Variants in CTDSPL2 observed in about 807,000 individuals in gnomAD.
CTDSPL2 encodes CTD small phosphatase-like protein 2.
A neutral mutation model predicts 60.0 loss-of-function variants in CTDSPL2; 5 were observed. The ratio of observed to expected loss-of-function variants is 0.08; its 90% CI spans 0.04 to 0.18. CTDSPL2 has a LOEUF of 0.18. CTDSPL2 is among the 10% of genes least tolerant of loss of function. The probability of loss-of-function intolerance (pLI) is 1.00; values close to 1 mark genes in which losing one functional copy is unlikely to be tolerated. For synonymous variants in CTDSPL2, 186 were observed against 189.3 expected (o/e 0.98, Z 0.14); for missense variants, 370 against 548.8 (o/e 0.67, Z 3.26).
In CTDSPL2 at chr15:44,528,305, G is replaced by A. The variant is rs931316953; in HGVS notation, c.*4131G>A. The A allele has an allele frequency of 1.3e-5, 2 of 150,958 alleles. No individual in the cohort carries two copies. The highest frequency in any genetic ancestry group is 1.9e-4 in the East Asian group (1 of 5,174). 9.4% of individuals were successfully genotyped at this position (150,958 alleles called of 1,614,324 possible). A position where few individuals can be genotyped will look rare whatever the true frequency, so the allele number is the denominator to read the frequency against. On this transcript the variant is annotated 3_prime_UTR_variant, in exon 13 of 13. Transcript: ENST00000260327. The stretch of plus-strand genomic sequence containing the variant: ...GAGCCTACCCCTGGAAAATTGTCTC[G>A]CTGGATCTCGAGAGGGGCCTGAGAG...
chr15:44,446,557 G>A (rs1205938861), intron 1 of CTDSPL2, among the ~76,000 whole-genome samples: 1 of 152,006 alleles, frequency 6.6e-6, no homozygotes, highest in Non-Finnish European at 1.5e-5. Context: ...TTAAACCTGG[G>A]AGGTAGAGGT....
chr15:44,506,121 C>T (rs1443921416), intron 8 of CTDSPL2, among the ~76,000 whole-genome samples: 1 of 150,290 alleles, frequency 6.7e-6, no homozygotes, highest in Non-Finnish European at 1.5e-5. Flanking sequence ...TCTCTGCCTC[C>T]CAGGTTCAAG....
At chr15:44,502,079 T>C (rs919805592) in intron 8 of CTDSPL2, 1 of 412,442 alleles carries the variant, frequency 2.4e-6, no homozygotes, top group Admixed American at 2.8e-5. Flanking sequence ...TTAACCACTG[T>C]ACTATGATGT....
chr15:44,430,895 C>T (rs1237162267), intron 1 of CTDSPL2, among the ~76,000 whole-genome samples: 1 of 151,682 alleles, frequency 6.6e-6, no homozygotes, highest in Non-Finnish European at 1.5e-5. Flanking sequence ...GATCTTGGCT[C>T]AGTGCAGACT....
intron 1 of CTDSPL2, among the ~76,000 whole-genome samples, chr15:44,428,264 C>G (rs2079788028): frequency 6.6e-6 from 1 of 152,104 alleles, no homozygotes. Flanking sequence ...TTCTGTTTAT[C>G]TTTTGTACTG....
intron 1 of CTDSPL2, among the ~76,000 whole-genome samples, chr15:44,433,176 A>G (rs1346944697): frequency 6.6e-6 from 1 of 151,444 alleles, no homozygotes; most frequent in East Asian, 2.0e-4. Flanking sequence ...TTAGCTGGGC[A>G]TGGTGACTCA....
chr15:44,486,498 T>C (rs1437270439), intron 3 of CTDSPL2, 53 bp from the exon 4 acceptor site: 1 of 1,283,032 alleles, frequency 7.8e-7, no homozygotes, highest in African/African-American at 1.5e-5. Flanking sequence ...TATAACACAC[T>C]TCTGAAATTC....
chr15:44,498,595 A>G (rs2081339662), intron 7 of CTDSPL2, among the ~76,000 whole-genome samples: 1 of 152,090 alleles, frequency 6.6e-6, no homozygotes, highest in South Asian at 2.1e-4. Context: ...CAATTTTAAA[A>G]GGAAGGAAAG....
intron 1 of CTDSPL2, among the ~76,000 whole-genome samples, chr15:44,454,113 C>G (rs1323718144): frequency 1.3e-5 from 2 of 152,190 alleles, no homozygotes; most frequent in Non-Finnish European, 2.9e-5. Context: ...TTAATGATCG[C>G]CATTCTAACT....
chr15:44,498,966 A>G (rs1239223223), intron 7 of CTDSPL2, among the ~76,000 whole-genome samples: 2 of 152,200 alleles, frequency 1.3e-5, no homozygotes, highest in African/African-American at 4.8e-5. Context: ...TGAACAGAGT[A>G]TATATTTTTA....
chr15:44,432,921 C>T (rs936533982), intron 1 of CTDSPL2, among the ~76,000 whole-genome samples: 12 of 151,996 alleles, frequency 7.9e-5, no homozygotes, highest in Middle Eastern at 3.4e-3. Flanking sequence ...CGCACCTGGC[C>T]GATTCCTGTG....
chr15:44,518,657 T>TAGGG (rs1233207357), intron 10 of CTDSPL2: 5 of 152,230 alleles, frequency 3.3e-5, no homozygotes, highest in African/African-American at 1.2e-4. Context: ...TGTACAGGGA[T>TAGGG]AGGGAGGCTG....
rs554319789 is a variant in CTDSPL2, at chr15:44,462,700, C to CTTTTTTTTTTTTT, written c.186+3512_186+3524dup. On this transcript the variant is annotated intron_variant, in intron 2 of 12. Transcript: ENST00000260327. ...GACTCTTGAACTAGAACACTCAGGA[C>CTTTTTTTTTTTTT]TTTTTTTTTTTTTTTTTTTTTTTTG... Among the ~76,000 whole-genome samples the CTTTTTTTTTTTTT allele has an allele frequency of 6.2e-4, 52 of 83,744 alleles. 4 individuals are homozygous for CTTTTTTTTTTTTT. The highest frequency in any genetic ancestry group is 2.3e-3 in the African/African-American group (40 of 17,052). 54.9% of individuals were successfully genotyped at this position (83,744 alleles called of 152,430 possible).
intron 1 of CTDSPL2, among the ~76,000 whole-genome samples, chr15:44,457,362 C>T (rs1229379395): frequency 6.6e-6 from 1 of 152,202 alleles, no homozygotes; most frequent in East Asian, 1.9e-4. Flanking sequence ...GCTGCTTCAC[C>T]TCACCTTGCA....
chr15:44,506,835 T>C (rs528713139), intron 8 of CTDSPL2, among the ~76,000 whole-genome samples: 35 of 151,778 alleles, frequency 2.3e-4, no homozygotes, highest in South Asian at 1.9e-3. Flanking sequence ...GGCACAATCT[T>C]GGCTCACTGC....
rs1443577002 is a variant in CTDSPL2 at position 44,524,471 on chromosome 15, A to T, written c.*297A>T. On this transcript the variant is annotated 3_prime_UTR_variant, in exon 13 of 13. Coordinates refer to ENST00000260327, the MANE Select transcript of CTDSPL2 (RefSeq NM_016396.3). The stretch of plus-strand genomic sequence containing the variant: ...AAAGAATTCTGTTTCTGCCACCAGC[A>T]GTTTGACCTGTAGTCACACAGGATT... 1 of 290,190 alleles carries T rather than the reference A, an allele frequency of 3.4e-6. No individual in the cohort carries two copies. The allele number at this position is 290,190 out of a possible 1,614,324, so 18.0% of individuals were successfully genotyped here. A position where few individuals can be genotyped will look rare whatever the true frequency, so the allele number is the denominator to read the frequency against.
chr15:44,457,687 A>G (rs2140690566), intron 1 of CTDSPL2, among the ~76,000 whole-genome samples: 1 of 152,144 alleles, frequency 6.6e-6, no homozygotes, highest in East Asian at 1.9e-4. Flanking sequence ...TCTCTCCTCA[A>G]TGCAACCTCC....
Position 44,486,577 on chromosome 15 carries a change from C to A in CTDSPL2, c.352C>A (p.Gln118Lys). 6.3e-7 allele frequency: 1 copy of A among 1,580,174 alleles called. No individual in the cohort carries two copies. The highest frequency in any genetic ancestry group is 1.2e-5 in the South Asian group (1 of 83,288). The change falls in exon 4 of 13, where the codon CAA (glutamine) becomes AAA (lysine). Residue 118 changes from glutamine (Q) to lysine (K), a missense_variant. Coordinates refer to ENST00000260327, the MANE Select transcript of CTDSPL2 (RefSeq NM_016396.3). Reference protein sequence around the residue: ...GEAGSYEMTNQHVKQNGKLED... With the variant: ...GEAGSYEMTNKHVKQNGKLED... ...AGCTGGTAGTTATGAAATGACAAAT[C>A]AACATGTAAAACAAAATGGAAAATT...
In CTDSPL2 at chr15:44,459,159, T is replaced by C. The variant is rs763688218; in HGVS notation, c.145T>C (p.Leu49=). Residue 49 remains leucine, a synonymous_variant, in exon 2 of 13, where the codon TTG becomes CTG. Coordinates refer to ENST00000260327, the MANE Select transcript of CTDSPL2 (RefSeq NM_016396.3). ...EKPSKNETGL[L]SSIKKFIKGS... Reference sequence around the variant, plus strand: ...ACCATCGAAGAATGAAACCGGCTTGTTGTCTTCAATTAAAAAATTTATTAA... The same window carrying C: ...ACCATCGAAGAATGAAACCGGCTTGCTGTCTTCAATTAAAAAATTTATTAA... 5 of 1,608,776 alleles carry C rather than the reference T, an allele frequency of 3.1e-6. No homozygotes were observed. The African/African-American group carries it at 5.4e-5, about 17-fold the overall frequency.
Sources: allele counts gnomAD v4.1 joint callset (sites outside exome capture counted in the v4.1 genomes callset), GRCh38; gene constraint gnomAD v4.1.1; transcripts MANE v1.5; gene names NCBI Gene and HGNC (gene_info 2026-07-23, HGNC 2026-07-21).